Variants in ACTA2 observed in about 807,000 individuals in gnomAD.
ACTA2 encodes actin, aortic smooth muscle.
ACTA2 carries 12 observed loss-of-function variants against 39.5 expected under a neutral mutation model. The observed-to-expected ratio is 0.30, with a 90% CI of 0.19 to 0.49. The LOEUF is 0.49. Ranked by LOEUF, ACTA2 falls within the 20% of genes least tolerant of loss-of-function variation. The probability of loss-of-function intolerance (pLI) is 0.99; values close to 1 mark genes in which losing one functional copy is unlikely to be tolerated. For synonymous variants in ACTA2, 158 were observed against 180.6 expected (o/e 0.88, Z 1.00); for missense variants, 236 against 498.8 (o/e 0.47, Z 5.02).
At chr10:88,964,221 C>A (rs1367512938) in intron 1 of ACTA2, among the ~76,000 whole-genome samples, 2 of 151,790 alleles carry the variant, frequency 1.3e-5, no homozygotes, top group African/African-American at 2.4e-5. Context: ...ATCTGGAACC[C>A]CTGCAAAAAA....
At chr10:88,959,488 A>C (rs1846192611) in intron 1 of ACTA2, among the ~76,000 whole-genome samples, 2 of 152,190 alleles carry the variant, frequency 1.3e-5, no homozygotes, top group South Asian at 4.1e-4. Context: ...CCCCTTAAAA[A>C]CACCTCCTAA....
chr10:88,951,949 A>G (rs1265278021), intron 1 of ACTA2, among the ~76,000 whole-genome samples: 1 of 152,182 alleles, frequency 6.6e-6, no homozygotes, highest in Non-Finnish European at 1.5e-5. Context: ...GCACAGTCAC[A>G]CTTGCCTCAC....
At chr10:88,945,269 C>T (rs761061803) in intron 3 of ACTA2, among the ~76,000 whole-genome samples, 8 of 152,156 alleles carry the variant, frequency 5.3e-5, no homozygotes, top group Non-Finnish European at 1.0e-4. Flanking sequence ...ATATCTTTTT[C>T]TCTGTGCAAA....
chr10:88,984,568 C>A (rs7916294), intron 1 of ACTA2, among the ~76,000 whole-genome samples: 54,726 of 152,090 alleles, frequency 0.36, 10,728 homozygotes, highest in African/African-American at 0.49. Flanking sequence ...CCAGTGTTTG[C>A]AAACTGGTTC....
intron 1 of ACTA2, chr10:88,975,092 T>C (rs1257291719): frequency 1.3e-5 from 2 of 152,122 alleles, no homozygotes; most frequent in Admixed American, 6.5e-5. Context: ...TTACAGGTTG[T>C]ATTAGTATCA....
chr10:88,948,369 G>C (rs913042), intron 2 of ACTA2: 104,400 of 179,388 alleles, frequency 0.58, 31,567 homozygotes, highest in East Asian at 0.91. Flanking sequence ...TTGTTGACAG[G>C]TAATATTATG....
At chr10:88,966,477 C>T (rs1318163225) in intron 1 of ACTA2, among the ~76,000 whole-genome samples, 1 of 152,128 alleles carries the variant, frequency 6.6e-6, no homozygotes, top group Non-Finnish European at 1.5e-5. Context: ...TCCTGTCTAC[C>T]TCTAACAATT....
intron 4 of ACTA2, 126 bp downstream of exon 4, chr10:88,943,671 A>C (rs763129894): frequency 1.3e-6 from 1 of 791,318 alleles, no homozygotes; most frequent in South Asian, 1.4e-5. Flanking sequence ...CCCTGAGTTC[A>C]CTGAAGGCTG....
In ACTA2 at chr10:88,973,223, G is replaced by A. The variant is rs755517619; in HGVS notation, c.-24+17716C>T. 5.0e-6 allele frequency: 8 copies of A among 1,612,360 alleles called. No homozygotes were observed. The Admixed American group carries it at 1.2e-4, about 24-fold the overall frequency. ...CTGGGATAATTTCTGGCACTGCTTT[G>A]GAGATGGAGCCCCTGAAAATTGGCT... On this transcript the variant is annotated intron_variant, in intron 1 of 4. Transcript: ENST00000415557.
At chr10:88,957,047 C>T (rs911581223), upstream of ACTA2, among the ~76,000 whole-genome samples, 3 of 152,262 alleles carry the variant, frequency 2.0e-5, no homozygotes, top group African/African-American at 7.2e-5. Flanking sequence ...TTTAAGTTCC[C>T]AACACATGAA....
intron 8 of ACTA2, 117 bp from the exon 9 acceptor site, chr10:88,935,483 CAGGCTTGTCTGTTAG>C: frequency 8.3e-7 from 1 of 1,210,798 alleles, no homozygotes; most frequent in Non-Finnish European, 1.2e-6. Context: ...AGCAGGGACA[CAGGCTTGTCTGTTAG>C]ATGCCAATTG....
At position 88,972,547 on chromosome 10, in the gene ACTA2, T is replaced by C. The variant is rs71479007; in HGVS notation, c.-24+18392A>G. Among the ~76,000 whole-genome samples, 15 of 152,328 alleles carry C rather than the reference T, an allele frequency of 9.8e-5. No homozygotes were observed. In the South Asian group the frequency reaches 2.5e-3, roughly 25 times the overall value. Reference sequence around the variant, plus strand: ...TTCTCTCCTGCCTTCTTTTATATTGTTTAATTTTTTTTCTAAATTTCATTG... The same window carrying C: ...TTCTCTCCTGCCTTCTTTTATATTGCTTAATTTTTTTTCTAAATTTCATTG... On this transcript the variant is annotated intron_variant, in intron 1 of 4. Coordinates refer to the ACTA2 transcript ENST00000415557.
upstream of ACTA2, among the ~76,000 whole-genome samples, chr10:88,953,663 G>A (rs1197247523): frequency 7.2e-5 from 11 of 152,130 alleles, no homozygotes; most frequent in Admixed American, 5.9e-4. Flanking sequence ...ATCTCGTCTC[G>A]AATTCTAATC....
At chr10:88,963,035 C>T (rs1275634268) in intron 1 of ACTA2, among the ~76,000 whole-genome samples, 2 of 142,120 alleles carry the variant, frequency 1.4e-5, no homozygotes, top group Admixed American at 7.4e-5. Context: ...CTTTATGAAA[C>T]CATCAGATCT....
chr10:88,955,789 CCTCAGACCT>C (rs1846128791), upstream of ACTA2, among the ~76,000 whole-genome samples: 1 of 152,054 alleles, frequency 6.6e-6, no homozygotes, highest in Non-Finnish European at 1.5e-5. Flanking sequence ...GACAATTGGC[CCTCAGACCT>C]TGACTTTGTG....
intron 1 of ACTA2, among the ~76,000 whole-genome samples, chr10:88,985,576 C>A (rs755342215): frequency 1.3e-5 from 2 of 152,212 alleles, no homozygotes; most frequent in Non-Finnish European, 2.9e-5. Context: ...CCCTGCCCAT[C>A]CATTATCTCC....
chr10:88,945,525 G>GT (rs139257074), intron 3 of ACTA2, among the ~76,000 whole-genome samples: 4 of 151,960 alleles, frequency 2.6e-5, no homozygotes, highest in African/African-American at 7.3e-5. Context: ...TATTTCTTCT[G>GT]TTTTTTTCTC....
In ACTA2 at chr10:88,938,357, A is replaced by G. The variant is rs1845784797; in HGVS notation, c.809-115T>C. The G allele has an allele frequency of 5.9e-6, 7 of 1,180,774 alleles. No individual in the cohort carries two copies. The South Asian group carries it at 7.4e-5, about 12-fold the overall frequency. The allele number at this position is 1,180,774 out of a possible 1,614,324, so 73.1% of individuals were successfully genotyped here. A position where few individuals can be genotyped will look rare whatever the true frequency, so the allele number is the denominator to read the frequency against. ...TGCAGTGGACTGAGGCTGGGAAGAC[A>G]TAATAATCTAGGAACCACCTGTCTG... On this transcript the variant is annotated intron_variant, in intron 7 of 8. Coordinates refer to ENST00000224784, the MANE Select transcript of ACTA2 (RefSeq NM_001613.4).
At chr10:88,937,262 G>A (rs186934387) in intron 8 of ACTA2, among the ~76,000 whole-genome samples, 40 of 152,306 alleles carry the variant, frequency 2.6e-4, no homozygotes, top group African/African-American at 9.1e-4. Flanking sequence ...AGAAGGGAGT[G>A]CAAAGAGGAG....
Sources: allele counts gnomAD v4.1 joint callset (sites outside exome capture counted in the v4.1 genomes callset), GRCh38; gene constraint gnomAD v4.1.1; transcripts MANE v1.5; gene names NCBI Gene and HGNC (gene_info 2026-07-23, HGNC 2026-07-21).